Variants in FBXL14 observed in about 807,000 individuals in gnomAD.
FBXL14 encodes the protein F-box and leucine rich repeat protein 14.
Under a neutral mutation model 24.5 loss-of-function variants are expected in FBXL14, and 11 were observed. The ratio of observed to expected loss-of-function variants is 0.45; its 90% CI spans 0.28 to 0.74. FBXL14 has a LOEUF of 0.74. FBXL14 is among the 30% of genes least tolerant of loss of function. The pLI is 0.12. For synonymous variants in FBXL14, 294 were observed against 240.4 expected (o/e 1.22, Z -2.06); for missense variants, 384 against 545.6 (o/e 0.70, Z 2.95).
rs750113653 is a variant in FBXL14 at position 1,593,281 on chromosome 12, G to A, written c.786C>T (p.Ser262=). 1 of 1,612,832 alleles carries A rather than the reference G, an allele frequency of 6.2e-7. No homozygotes were observed. Among genetic ancestry groups the A allele is most frequent in the Admixed American group, 1.7e-5 (1 of 60,012 alleles). The part of the protein sequence containing the change: ...MGSLRSLNLR[S]CDNISDTGIM... ...TGCCCGTGTCACTGATGTTGTCACA[G>A]GAGCGCAGGTTGAGGCTGCGCAGGC... The change falls in exon 1 of 2, where the codon TCC becomes TCT. Residue 262 remains serine (S), a synonymous_variant. Transcript: ENST00000339235. The surrounding 1 kb of genome is among the most constrained non-coding windows in gnomAD (Gnocchi z 7.4).
In FBXL14 at chr12:1,569,393, C is replaced by T. The variant is rs555880181; in HGVS notation, c.1195-2583G>A. ...TCATATGCTAAATAAGAAACCACTT[C>T]GTTCTTTTTTTTTTTTTTTTTGTCT... On this transcript the variant is annotated intron_variant, in intron 1 of 1. Transcript: ENST00000339235. This position sits in a 1 kb window ranked among gnomAD's most constrained non-coding sequence, Gnocchi z 4.2. Among the ~76,000 whole-genome samples, 286 of 144,636 alleles carry T rather than the reference C, an allele frequency of 2.0e-3. 3 individuals carry two copies. The highest frequency in any genetic ancestry group is 3.6e-3 in the Middle Eastern group (1 of 280). 94.9% of individuals were successfully genotyped at this position (144,636 alleles called of 152,430 possible).
At chr12:1,576,098 C>T (rs930787327) in intron 1 of FBXL14, among the ~76,000 whole-genome samples, 1 of 152,150 alleles carries the variant, frequency 6.6e-6, no homozygotes, top group Non-Finnish European at 1.5e-5. Context: ...TCCTTTTCTT[C>T]CCACAAACGC....
At chr12:1,581,904 C>A (rs1175219651) in intron 1 of FBXL14, among the ~76,000 whole-genome samples, 1 of 152,222 alleles carries the variant, frequency 6.6e-6, no homozygotes, top group Non-Finnish European at 1.5e-5. Flanking sequence ...GCGGGTAGAT[C>A]ACCTGAGGTC....
intron 1 of FBXL14, among the ~76,000 whole-genome samples, chr12:1,580,304 C>A (rs2094463724): frequency 6.6e-6 from 1 of 152,226 alleles, no homozygotes; most frequent in Non-Finnish European, 1.5e-5. Flanking sequence ...GGTGCTCTCT[C>A]CACACTCAGG....
Position 1,569,652 on chromosome 12 carries a change from G to A in FBXL14, c.1195-2842C>T, listed in dbSNP as rs373092307. On this transcript the variant is annotated intron_variant, in intron 1 of 1. Coordinates refer to ENST00000339235, the MANE Select transcript of FBXL14 (RefSeq NM_152441.3). This position sits in a 1 kb window ranked among gnomAD's most constrained non-coding sequence, Gnocchi z 4.2. ...CCTGAACTTGTGATCCGCCCGCCTC[G>A]GCCTCCCAGAGTGCTGGGATTACAG... Among the ~76,000 whole-genome samples the A allele has an allele frequency of 2.6e-5, 4 of 152,140 alleles. No individual in the cohort carries two copies. The highest frequency in any genetic ancestry group is 9.7e-5 in the African/African-American group (4 of 41,420).
intron 1 of FBXL14, among the ~76,000 whole-genome samples, chr12:1,589,934 A>AT (rs959575328): frequency 3.3e-5 from 5 of 152,228 alleles, no homozygotes; most frequent in South Asian, 2.1e-4. Flanking sequence ...TGGTAGGAAT[A>AT]TTTTGCCTAT....
At chr12:1,571,748 A>G (rs1200795865) in intron 1 of FBXL14, among the ~76,000 whole-genome samples, 2 of 152,216 alleles carry the variant, frequency 1.3e-5, no homozygotes, top group South Asian at 4.1e-4. Flanking sequence ...GATTGTCCCT[A>G]TCCCATTTGA....
upstream of FBXL14, among the ~76,000 whole-genome samples, chr12:1,594,730 T>G (rs2094498217): frequency 6.7e-6 from 1 of 149,208 alleles, no homozygotes; most frequent in Non-Finnish European, 1.5e-5. Flanking sequence ...GCCGCGGCCG[T>G]CCGGCCGGAG....
chr12:1,586,802 C>T (rs1256193736), intron 1 of FBXL14, among the ~76,000 whole-genome samples: 1 of 152,214 alleles, frequency 6.6e-6, no homozygotes, highest in Non-Finnish European at 1.5e-5. Context: ...CATTCCTGAC[C>T]TGGTCTCACT....
intron 1 of FBXL14, among the ~76,000 whole-genome samples, chr12:1,590,839 C>G (rs1359756440): frequency 6.6e-6 from 1 of 152,212 alleles, no homozygotes; most frequent in Non-Finnish European, 1.5e-5. Flanking sequence ...GTATGCATGA[C>G]TGAGCCGGCA....
rs1252202958 is a variant in FBXL14 at position 1,567,360 on chromosome 12, C to T, written c.1195-550G>A. On this transcript the variant is annotated intron_variant, in intron 1 of 1. Coordinates refer to ENST00000339235, the MANE Select transcript of FBXL14 (RefSeq NM_152441.3). The surrounding 1 kb of genome is among the most constrained non-coding windows in gnomAD (Gnocchi z 4.8). ...AAGAAAAATTAGCTGGGCGTGGTGG[C>T]AAGCACCTGTAATCCCAGCTGCTCA... Among the ~76,000 whole-genome samples, 3 of 151,926 alleles carry T rather than the reference C, an allele frequency of 2.0e-5. No individual in the cohort carries two copies. The highest frequency in any genetic ancestry group is 2.9e-5 in the Non-Finnish European group (2 of 67,958).
At chr12:1,570,033 C>T (rs1300106098) in intron 1 of FBXL14, among the ~76,000 whole-genome samples, 2 of 152,226 alleles carry the variant, frequency 1.3e-5, no homozygotes, top group African/African-American at 2.4e-5. Flanking sequence ...GAACGTTTTG[C>T]TGTTGTTGCA....
chr12:1,588,831 C>T (rs889343840), intron 1 of FBXL14, among the ~76,000 whole-genome samples: 4 of 152,036 alleles, frequency 2.6e-5, no homozygotes, highest in East Asian at 1.9e-4. Flanking sequence ...TGTACCACCA[C>T]GCAAAGTGTA....
intron 1 of FBXL14, among the ~76,000 whole-genome samples, chr12:1,570,776 T>A (rs1405906938): frequency 6.6e-6 from 1 of 152,182 alleles, no homozygotes; most frequent in Non-Finnish European, 1.5e-5. Flanking sequence ...GAATCTTTGA[T>A]GACGTGACCA....
At position 1,573,970 on chromosome 12, in the gene FBXL14, A is replaced by T. The variant is rs1005654988; in HGVS notation, c.1195-7160T>A. On this transcript the variant is annotated intron_variant, in intron 1 of 1. Coordinates refer to ENST00000339235, the MANE Select transcript of FBXL14 (RefSeq NM_152441.3). ...TGGTGAGCTGAGATCGCACCATTGC[A>T]CTCCAGCCTGGGCAACAAGAGCGAA... Among the ~76,000 whole-genome samples, 34 of 151,286 alleles carry T rather than the reference A, an allele frequency of 2.2e-4. No homozygotes were observed. In the Admixed American group the frequency reaches 2.2e-3, roughly 10 times the overall value.
Position 1,594,259 on chromosome 12 carries a change from C to T in FBXL14, c.-193G>A, listed in dbSNP as rs2094497035. 2 of 189,812 alleles carry T rather than the reference C, an allele frequency of 1.1e-5. No homozygotes were observed. The highest frequency in any genetic ancestry group is 2.0e-5 in the Non-Finnish European group (2 of 99,138). 11.8% of individuals were successfully genotyped at this position (189,812 alleles called of 1,614,324 possible). A position where few individuals can be genotyped will look rare whatever the true frequency, so the allele number is the denominator to read the frequency against. Reference sequence around the variant, plus strand: ...CCGCTCCTCCTCCTGGTCCGTCCGTCCTTCCTTCCTGCCGGCTGCGCCTCC... The same window carrying T: ...CCGCTCCTCCTCCTGGTCCGTCCGTTCTTCCTTCCTGCCGGCTGCGCCTCC... On this transcript the variant is annotated 5_prime_UTR_variant, in exon 1 of 2. Transcript: ENST00000339235.
In FBXL14 at chr12:1,569,673, T is replaced by G. The variant is rs528049663; in HGVS notation, c.1195-2863A>C. ...CCTCGGCCTCCCAGAGTGCTGGGATTACAGGCGTGAGCCACCGCTCCCGGC... is the reference window on the plus strand; with the variant it reads ...CCTCGGCCTCCCAGAGTGCTGGGATGACAGGCGTGAGCCACCGCTCCCGGC... On this transcript the variant is annotated intron_variant, in intron 1 of 1. Coordinates refer to ENST00000339235, the MANE Select transcript of FBXL14 (RefSeq NM_152441.3). This position sits in a 1 kb window ranked among gnomAD's most constrained non-coding sequence, Gnocchi z 4.2. 8.3e-4 allele frequency among the ~76,000 whole-genome samples: 127 copies of G among 152,380 alleles called. No individual in the cohort carries two copies. Among genetic ancestry groups the G allele is most frequent in the Middle Eastern group, 6.8e-3 (2 of 294 alleles).
In FBXL14 at chr12:1,567,100, C is replaced by T. The variant is rs113175276; in HGVS notation, c.1195-290G>A. ...AGTAGACCTTCCCACCGCACACTCA[C>T]GGCCTCTTTACAGCAGCTGCCTTTA... is the stretch of plus-strand genomic sequence containing the variant. On this transcript the variant is annotated intron_variant, in intron 1 of 1. Coordinates refer to ENST00000339235, the MANE Select transcript of FBXL14 (RefSeq NM_152441.3). This position sits in a 1 kb window ranked among gnomAD's most constrained non-coding sequence, Gnocchi z 4.8. 2.6e-5 allele frequency among the ~76,000 whole-genome samples: 4 copies of T among 152,282 alleles called. No individual in the cohort carries two copies. Among genetic ancestry groups the T allele is most frequent in the African/African-American group, 9.6e-5 (4 of 41,560 alleles).
At chr12:1,589,397 C>CAAAAA (rs869295084) in intron 1 of FBXL14, among the ~76,000 whole-genome samples, 12 of 10,984 alleles carry the variant, frequency 1.1e-3, no homozygotes, top group African/African-American at 3.6e-3. Context: ...GACCTTGTCT[C>CAAAAA]AAAAAAAAAA....
Sources: allele counts gnomAD v4.1 joint callset (sites outside exome capture counted in the v4.1 genomes callset), GRCh38; gene constraint gnomAD v4.1.1; non-coding constraint Gnocchi (gnomAD v3.1); transcripts MANE v1.5; gene names NCBI Gene and HGNC (gene_info 2026-07-23, HGNC 2026-07-21).